MSRA: variants seen among roughly 807,000 people sequenced by gnomAD.
MSRA encodes methionine sulfoxide reductase A.
Under a neutral mutation model 31.3 loss-of-function variants are expected in MSRA, and 54 were observed. The ratio of observed to expected loss-of-function variants is 1.73; its 90% confidence interval spans 1.39 to 2.17. The LOEUF (loss-of-function observed/expected upper bound fraction) is 2.17. MSRA is among the 30% of genes most tolerant of loss of function. The pLI is 0.00. For synonymous variants in MSRA, 169 were observed against 116.5 expected (o/e 1.45, Z -2.90); for missense variants, 507 against 300.9 (o/e 1.69, Z -5.07).
intron 5 of MSRA, among the ~76,000 whole-genome samples, chr8:10,321,348 G>A (rs1018737317): frequency 6.6e-6 from 1 of 152,128 alleles, no homozygotes. Flanking sequence ...GTGCAGAGAC[G>A]AGGAGGCTGT....
intron 5 of MSRA, among the ~76,000 whole-genome samples, chr8:10,424,133 T>C (rs1585751141): frequency 6.6e-6 from 1 of 152,280 alleles, no homozygotes; most frequent in East Asian, 1.9e-4. Flanking sequence ...GTGGGGACAT[T>C]TGGTCTGGGT....
At chr8:10,222,878 G>A (rs1810652223) in intron 2 of MSRA, among the ~76,000 whole-genome samples, 1 of 152,204 alleles carries the variant, frequency 6.6e-6, no homozygotes, top group Non-Finnish European at 1.5e-5. Context: ...TGGACCTGAA[G>A]AATAAGTTCT....
At chr8:10,074,649 C>T (rs1585092567) in intron 1 of MSRA, among the ~76,000 whole-genome samples, 2 of 151,990 alleles carry the variant, frequency 1.3e-5, no homozygotes, top group East Asian at 1.9e-4. Flanking sequence ...TACACCCCTT[C>T]TTCTTCTTTT....
intron 2 of MSRA, among the ~76,000 whole-genome samples, chr8:10,236,932 T>C (rs1811993668): frequency 6.6e-6 from 1 of 152,236 alleles, no homozygotes; most frequent in Non-Finnish European, 1.5e-5. Flanking sequence ...TGGAGAGCTA[T>C]GTTATTGTTT....
intron 4 of MSRA, among the ~76,000 whole-genome samples, chr8:10,317,519 A>T (rs1801795310): frequency 6.6e-6 from 1 of 152,180 alleles, no homozygotes; most frequent in Non-Finnish European, 1.5e-5. Flanking sequence ...CTTTGGAGAA[A>T]GTGGATGGAG....
intron 1 of MSRA, among the ~76,000 whole-genome samples, chr8:10,187,724 C>G (rs761470878): frequency 6.6e-6 from 1 of 152,082 alleles, no homozygotes; most frequent in Non-Finnish European, 1.5e-5. Flanking sequence ...TAAATTAATC[C>G]TAGAAGGTCC....
chr8:10,379,573 T>A (rs964663143), intron 5 of MSRA, among the ~76,000 whole-genome samples: 4 of 152,084 alleles, frequency 2.6e-5, no homozygotes, highest in Non-Finnish European at 5.9e-5. Context: ...CCCCTCCGCC[T>A]TCCCCCCTCT....
chr8:10,140,565 C>T (rs1441085549), intron 1 of MSRA, among the ~76,000 whole-genome samples: 4 of 152,128 alleles, frequency 2.6e-5, no homozygotes. Context: ...ATATTACAAG[C>T]AAATGAACAA....
chr8:10,166,870 G>T (rs1403839568), intron 1 of MSRA, among the ~76,000 whole-genome samples: 1 of 152,126 alleles, frequency 6.6e-6, no homozygotes, highest in Non-Finnish European at 1.5e-5. Flanking sequence ...CATCATCTGG[G>T]ACTGATGCCC....
chr8:10,112,302 T>A (rs1203932740), intron 1 of MSRA, among the ~76,000 whole-genome samples: 1 of 152,190 alleles, frequency 6.6e-6, no homozygotes, highest in East Asian at 1.9e-4. Flanking sequence ...CAAAAGCCAT[T>A]TGGTTTGATT....
At chr8:10,212,998 G>A (rs1809643277) in intron 2 of MSRA, among the ~76,000 whole-genome samples, 1 of 151,922 alleles carries the variant, frequency 6.6e-6, no homozygotes, top group South Asian at 2.1e-4. Flanking sequence ...ATGGAAATGG[G>A]GTGTCTGTCC....
At chr8:10,319,479 A>G (rs1156470603) in intron 4 of MSRA, among the ~76,000 whole-genome samples, 1 of 152,118 alleles carries the variant, frequency 6.6e-6, no homozygotes, top group African/African-American at 2.4e-5. Flanking sequence ...TTCCTCATCC[A>G]CCAAGGGAGG....
chr8:10,422,237 G>GGTT (rs1375255464), intron 5 of MSRA, among the ~76,000 whole-genome samples: 1 of 152,196 alleles, frequency 6.6e-6, no homozygotes, highest in Admixed American at 6.5e-5. Context: ...CATCAACCAT[G>GGTT]GTTGCACCAG....
At chr8:10,111,643 C>G (rs1752577778) in intron 1 of MSRA, among the ~76,000 whole-genome samples, 1 of 152,078 alleles carries the variant, frequency 6.6e-6, no homozygotes, top group Non-Finnish European at 1.5e-5. Flanking sequence ...TGAGATCTTT[C>G]AGAAAATAGA....
chr8:10,107,752 A>G (rs762550163), intron 1 of MSRA, among the ~76,000 whole-genome samples: 1 of 152,164 alleles, frequency 6.6e-6, no homozygotes, highest in Admixed American at 6.5e-5. Context: ...AGAGTGTGAC[A>G]GTAGTTTACC....
intron 5 of MSRA, among the ~76,000 whole-genome samples, chr8:10,373,260 TA>T (rs2129171002): frequency 6.6e-6 from 1 of 152,334 alleles, no homozygotes; most frequent in African/African-American, 2.4e-5. Context: ...GTACTGTTTT[TA>T]CTGACATTTT....
intron 3 of MSRA, among the ~76,000 whole-genome samples, chr8:10,287,358 A>G (rs1276660673): frequency 1.3e-5 from 2 of 152,222 alleles, no homozygotes; most frequent in East Asian, 1.9e-4. Flanking sequence ...AGACATCATA[A>G]TACATGGAGT....
chr8:10,216,584 T>G (rs1410865880), intron 2 of MSRA, among the ~76,000 whole-genome samples: 1 of 152,206 alleles, frequency 6.6e-6, no homozygotes, highest in Non-Finnish European at 1.5e-5. Flanking sequence ...TAGTCCTCCT[T>G]CCCCCAGCCC....
chr8:10,314,568 G>A (rs1225872876), intron 4 of MSRA, among the ~76,000 whole-genome samples: 2 of 152,182 alleles, frequency 1.3e-5, no homozygotes, highest in African/African-American at 2.4e-5. Context: ...TTGTAAATTG[G>A]TACGACTACT....
Sources: allele counts gnomAD v4.1 joint callset (sites outside exome capture counted in the v4.1 genomes callset), GRCh38; gene constraint gnomAD v4.1.1; transcripts MANE v1.5; gene names NCBI Gene and HGNC (gene_info 2026-07-23, HGNC 2026-07-21).